EPB41L2: variants seen among roughly 807,000 people sequenced by gnomAD.
EPB41L2 encodes band 4.1-like protein 2.
In EPB41L2, 43 loss-of-function variants were observed where a neutral mutation model predicts 113.0. The observed-to-expected ratio is 0.38, with a 90% CI of 0.30 to 0.49. The LOEUF is 0.49. Among genes scored for constraint, EPB41L2 ranks in the 20% least tolerant of loss-of-function variants. The pLI, the probability that EPB41L2 is intolerant of heterozygous loss-of-function variation, is 0.95. For synonymous variants in EPB41L2, 442 were observed against 436.7 expected (o/e 1.01, Z -0.15); for missense variants, 1,147 against 1,223.4 (o/e 0.94, Z 0.93).
At chr6:130,995,532 C>T (rs1782887307) in intron 1 of EPB41L2, among the ~76,000 whole-genome samples, 2 of 152,088 alleles carry the variant, frequency 1.3e-5, no homozygotes, top group Admixed American at 1.3e-4. Context: ...TGTATAAAAC[C>T]AAACTGTGCT....
At chr6:130,949,504 G>C (rs1262632948) in intron 3 of EPB41L2, among the ~76,000 whole-genome samples, 2 of 152,160 alleles carry the variant, frequency 1.3e-5, no homozygotes, top group East Asian at 3.9e-4. Flanking sequence ...TCTGGAGGCT[G>C]AGGCAAGAAG....
intron 3 of EPB41L2, among the ~76,000 whole-genome samples, chr6:130,948,721 G>A (rs1189945866): frequency 6.6e-6 from 1 of 152,132 alleles, no homozygotes; most frequent in African/African-American, 2.4e-5. Context: ...AGGCAGAAGA[G>A]AGTCATGAGA....
chr6:130,952,304 A>G (rs945661858), intron 3 of EPB41L2, among the ~76,000 whole-genome samples: 4 of 134,050 alleles, frequency 3.0e-5, no homozygotes, highest in Non-Finnish European at 6.9e-5. Context: ...GCCACTAGGT[A>G]TCTACCCTGA....
At chr6:131,054,330 ATCTGTCCCTG>A (rs148001060) in intron 1 of EPB41L2, among the ~76,000 whole-genome samples, 42,538 of 151,796 alleles carry the variant, frequency 0.28, 7,016 homozygotes, top group Non-Finnish European at 0.37. Context: ...CCCTGTCTCT[ATCTGTCCCTG>A]TCTGTCCCTG....
intron 1 of EPB41L2, among the ~76,000 whole-genome samples, chr6:131,038,386 G>T (rs927666218): frequency 6.6e-6 from 1 of 152,052 alleles, no homozygotes; most frequent in South Asian, 2.1e-4. Context: ...CAGAAATGAT[G>T]AATCAAATTA....
intron 1 of EPB41L2, among the ~76,000 whole-genome samples, chr6:131,033,230 G>A (rs1035759677): frequency 2.0e-5 from 3 of 151,912 alleles, no homozygotes; most frequent in African/African-American, 7.3e-5. Context: ...AAGAAAGACA[G>A]GAGAGAGAGA....
chr6:131,029,838 A>G (rs758821539), intron 1 of EPB41L2, among the ~76,000 whole-genome samples: 3 of 151,980 alleles, frequency 2.0e-5, no homozygotes, highest in Non-Finnish European at 4.4e-5. Context: ...CCAAAGCAAG[A>G]TCTGATTGTT....
intron 14 of EPB41L2, 24 bp downstream of exon 14, chr6:130,878,080 G>A: frequency 1.3e-6 from 2 of 1,558,206 alleles, no homozygotes; most frequent in Non-Finnish European, 1.7e-6. Context: ...GTGAGACAGA[G>A]CCAACAAATA....
intron 1 of EPB41L2, among the ~76,000 whole-genome samples, chr6:130,987,303 C>T (rs1324207217): frequency 6.6e-6 from 1 of 152,186 alleles, no homozygotes; most frequent in Non-Finnish European, 1.5e-5. Flanking sequence ...ACACACCAGA[C>T]TACTTTCCAA....
chr6:130,913,624 T>C (rs1485347019), intron 4 of EPB41L2, among the ~76,000 whole-genome samples: 2 of 152,176 alleles, frequency 1.3e-5, no homozygotes, highest in African/African-American at 4.8e-5. Context: ...CACGTTATAT[T>C]ACTTTTATTA....
chr6:131,011,867 G>C (rs77458328), intron 1 of EPB41L2, among the ~76,000 whole-genome samples: 3,983 of 152,174 alleles, frequency 0.026, 190 homozygotes, highest in African/African-American at 0.092. Context: ...GTTAGGACTG[G>C]GTGAGAAAAC....
At chr6:130,875,526 C>T (rs920589012) in intron 14 of EPB41L2, among the ~76,000 whole-genome samples, 7 of 152,240 alleles carry the variant, frequency 4.6e-5, no homozygotes, top group South Asian at 2.1e-4. Context: ...CGTCCTTACA[C>T]GTGGATACAT....
At chr6:130,988,342 C>T (rs1287005942) in intron 1 of EPB41L2, among the ~76,000 whole-genome samples, 2 of 152,154 alleles carry the variant, frequency 1.3e-5, no homozygotes, top group African/African-American at 2.4e-5. Flanking sequence ...GATGTAACAC[C>T]TAAATTCTTA....
At chr6:130,984,609 C>T (rs1254934235) in intron 1 of EPB41L2, among the ~76,000 whole-genome samples, 1 of 152,152 alleles carries the variant, frequency 6.6e-6, no homozygotes, top group South Asian at 2.1e-4. Context: ...TTGGGGAGAT[C>T]AGAGAAGTCC....
intron 1 of EPB41L2, among the ~76,000 whole-genome samples, chr6:130,995,068 G>A (rs1782764502): frequency 6.6e-6 from 1 of 152,182 alleles, no homozygotes; most frequent in South Asian, 2.1e-4. Context: ...CAGGCGTGGT[G>A]GCTCACACCT....
At chr6:130,840,780 G>C (rs951959129) in intron 19 of EPB41L2, among the ~76,000 whole-genome samples, 182 bp from the exon 20 acceptor site, 7 of 152,030 alleles carry the variant, frequency 4.6e-5, no homozygotes, top group African/African-American at 7.2e-5. Context: ...TTCCACTCTC[G>C]AGGGCCTTAA....
chr6:130,888,849 T>A (rs1300695244), intron 11 of EPB41L2, among the ~76,000 whole-genome samples: 1 of 152,180 alleles, frequency 6.6e-6, no homozygotes, highest in Non-Finnish European at 1.5e-5. Context: ...TAAAGCACAG[T>A]TCACCACCCC....
rs901549690 is a variant in EPB41L2 at position 130,947,019 on chromosome 6, C to T, written c.705+8086G>A. Among the ~76,000 whole-genome samples, 219 of 117,628 alleles carry T rather than the reference C, an allele frequency of 1.9e-3. 2 individuals carry two copies. Among genetic ancestry groups the T allele is most frequent in the African/African-American group, 6.3e-3 (205 of 32,794 alleles). 77.2% of individuals were successfully genotyped at this position (117,628 alleles called of 152,430 possible). ...AAGCAATGCACTGAATAAAGAAGAC[C>T]CCCCCCCCAGCCCCTTAAATTACTG... is the stretch of plus-strand genomic sequence containing the variant. On this transcript the variant is annotated intron_variant, in intron 3 of 19. Transcript: ENST00000337057.
At chr6:130,929,553 G>A (rs1400977167) in intron 3 of EPB41L2, among the ~76,000 whole-genome samples, 1 of 152,156 alleles carries the variant, frequency 6.6e-6, no homozygotes, top group Non-Finnish European at 1.5e-5. Flanking sequence ...TGACCCATAT[G>A]TGTCAGTTCC....
Sources: gnomAD v4.1 joint callset for allele counts (sites outside exome capture counted in the v4.1 genomes callset) on GRCh38, gnomAD v4.1.1 for gene constraint, MANE v1.5 for transcripts, NCBI Gene and HGNC (gene_info 2026-07-23, HGNC 2026-07-21) for gene names.